SAMD12: variants seen among roughly 807,000 people sequenced by gnomAD.
SAMD12 encodes the protein sterile alpha motif domain containing 12.
SAMD12 carries 9 observed loss-of-function variants against 15.0 expected under a neutral mutation model. The ratio of observed to expected loss-of-function variants is 0.60; its 90% CI spans 0.36 to 1.05. The LOEUF (loss-of-function observed/expected upper bound fraction) is 1.05, where lower values mean the gene tolerates loss of function less well. SAMD12 is among the 50% of genes least tolerant of loss of function. The pLI is 0.01. For missense variants in SAMD12, 230 were observed against 234.2 expected (o/e 0.98, Z 0.12); for synonymous variants, 86 against 90.1 (o/e 0.96, Z 0.25).
In SAMD12 at chr8:118,386,204, T is replaced by C. The variant is rs80342785; in HGVS notation, c.323-6504A>G. ...AGTCAGAAGTTCAGCATCTGTTCCA[T>C]TGGGCTAACATCAACGTGTCGGAAG... On this transcript the variant is annotated intron_variant, in intron 3 of 3. Transcript: ENST00000314727. 2.6e-5 allele frequency among the ~76,000 whole-genome samples: 4 copies of C among 152,322 alleles called. No homozygotes were observed. In the East Asian group the frequency reaches 5.8e-4, roughly 22 times the overall value.
chr8:118,546,356 A>T (rs536524407), intron 2 of SAMD12, among the ~76,000 whole-genome samples: 4 of 152,086 alleles, frequency 2.6e-5, no homozygotes, highest in Non-Finnish European at 5.9e-5. Flanking sequence ...TCTCAACCAG[A>T]GATAACACTG....
At position 118,345,590 on chromosome 8, in the gene SAMD12, A is replaced by C. The variant is rs894541318; in HGVS notation, c.433+33970T>G. ...GAAGAAAGACATAAATGAAGGCATG[A>C]TGCAGCATAAGCGTGGGGTGTAGAC... On this transcript the variant is annotated intron_variant, in intron 4 of 4. Coordinates refer to the SAMD12 transcript ENST00000409003. Among the ~76,000 whole-genome samples, 4 of 152,242 alleles carry C rather than the reference A, an allele frequency of 2.6e-5. No individual in the cohort carries two copies. The South Asian group carries it at 8.3e-4, about 31-fold the overall frequency.
At chr8:118,288,820 TTAACA>T (rs1814200388) in intron 4 of SAMD12, among the ~76,000 whole-genome samples, 1 of 152,204 alleles carries the variant, frequency 6.6e-6, no homozygotes, top group African/African-American at 2.4e-5. Flanking sequence ...TTTAGCCTCA[TTAACA>T]TGAGAGAAAT....
chr8:118,297,520 T>C (rs1027030081), intron 4 of SAMD12, among the ~76,000 whole-genome samples: 1 of 152,180 alleles, frequency 6.6e-6, no homozygotes, highest in Non-Finnish European at 1.5e-5. Context: ...TTAAAAAGCA[T>C]ATATATATGC....
At chr8:118,561,859 A>G (rs1480430408) in intron 2 of SAMD12, among the ~76,000 whole-genome samples, 1 of 152,240 alleles carries the variant, frequency 6.6e-6, no homozygotes, top group Non-Finnish European at 1.5e-5. Context: ...AGGTAAAAGT[A>G]ATTAGTGTGT....
At chr8:118,377,194 C>T (rs111386002), downstream of SAMD12, among the ~76,000 whole-genome samples, 1,797 of 152,112 alleles carry the variant, frequency 0.012, 49 homozygotes, top group African/African-American at 0.04. Flanking sequence ...TCCAGGATTT[C>T]GAGACCAACC....
intron 4 of SAMD12, among the ~76,000 whole-genome samples, chr8:118,245,202 A>G (rs545038092): frequency 7.2e-5 from 11 of 152,140 alleles, no homozygotes; most frequent in Non-Finnish European, 1.3e-4. Context: ...GTAGGCAGAT[A>G]ATTATGTTTT....
intron 4 of SAMD12, among the ~76,000 whole-genome samples, chr8:118,366,115 A>G (rs756917824): frequency 2.0e-5 from 3 of 152,204 alleles, no homozygotes; most frequent in Non-Finnish European, 2.9e-5. Context: ...GTTTTATAGT[A>G]AATATACTAT....
chr8:118,468,448 G>C (rs1400759205), intron 2 of SAMD12, among the ~76,000 whole-genome samples: 18 of 152,166 alleles, frequency 1.2e-4, no homozygotes, highest in Non-Finnish European at 1.5e-5. Flanking sequence ...AATGCCTCTA[G>C]TAAATAACCC....
At chr8:118,234,327 T>C (rs532582431) in intron 4 of SAMD12, among the ~76,000 whole-genome samples, 1 of 152,248 alleles carries the variant, frequency 6.6e-6, no homozygotes, top group African/African-American at 2.4e-5. Context: ...TTTGTCATAA[T>C]ATTTATCATC....
At chr8:118,475,394 G>A (rs1315229015) in intron 2 of SAMD12, among the ~76,000 whole-genome samples, 2 of 152,204 alleles carry the variant, frequency 1.3e-5, no homozygotes, top group African/African-American at 2.4e-5. Context: ...AGATGCCAGG[G>A]CCATCCTTCC....
intron 2 of SAMD12, among the ~76,000 whole-genome samples, chr8:118,529,231 C>T (rs551904688): frequency 5.3e-5 from 8 of 152,280 alleles, no homozygotes; most frequent in Admixed American, 2.0e-4. Flanking sequence ...GCCTCAGCTG[C>T]GTTTCAAAAT....
intron 4 of SAMD12, among the ~76,000 whole-genome samples, chr8:118,322,668 G>A (rs1014093476): frequency 2.6e-5 from 4 of 152,154 alleles, no homozygotes; most frequent in African/African-American, 7.2e-5. Flanking sequence ...TCACATTCAC[G>A]TAGGCAGTAC....
chr8:118,286,638 G>A (rs1814039128), intron 4 of SAMD12, among the ~76,000 whole-genome samples: 2 of 152,176 alleles, frequency 1.3e-5, no homozygotes, highest in African/African-American at 4.8e-5. Context: ...CAGCGTGGTA[G>A]GACCATGAAG....
At chr8:118,592,728 C>A (rs986609154) in intron 1 of SAMD12, among the ~76,000 whole-genome samples, 35 of 152,094 alleles carry the variant, frequency 2.3e-4, no homozygotes, top group Non-Finnish European at 3.7e-4. Context: ...GTACATACAT[C>A]TGCATATACT....
intron 1 of SAMD12, among the ~76,000 whole-genome samples, chr8:118,617,973 T>C (rs575459140): frequency 6.6e-6 from 1 of 152,084 alleles, no homozygotes; most frequent in Non-Finnish European, 1.5e-5. Flanking sequence ...GCTACCTCCT[T>C]CCAAGAGGTC....
intron 3 of SAMD12, among the ~76,000 whole-genome samples, chr8:118,425,341 C>G (rs1026102529): frequency 6.6e-6 from 1 of 151,858 alleles, no homozygotes; most frequent in African/African-American, 2.4e-5. Context: ...CATGCAAAAC[C>G]AAAAAATAAA....
the SAMD12 span, among the ~76,000 whole-genome samples, chr8:118,141,376 G>A: frequency 6.6e-6 from 1 of 152,186 alleles, no homozygotes; most frequent in Non-Finnish European, 1.5e-5. Context: ...CTCATTAGAA[G>A]TTTATCAATA....
intron 2 of SAMD12, among the ~76,000 whole-genome samples, chr8:118,447,964 G>A (rs6990359): frequency 0.013 from 2,012 of 151,824 alleles, 32 homozygotes; most frequent in African/African-American, 0.046. Context: ...TCCTGACCTC[G>A]TGATCTGCCC....
Sources: gnomAD v4.1 joint callset for allele counts (sites outside exome capture counted in the v4.1 genomes callset) on GRCh38, gnomAD v4.1.1 for gene constraint, MANE v1.5 for transcripts, NCBI Gene and HGNC (gene_info 2026-07-23, HGNC 2026-07-21) for gene names.